Variants in USP37 observed in about 807,000 individuals in gnomAD.
USP37 encodes the protein ubiquitin specific peptidase 37.
USP37 carries 27 observed loss-of-function variants against 124.0 expected under a neutral mutation model. The observed-to-expected ratio is 0.22, with a 90% confidence interval of 0.16 to 0.30. The LOEUF is 0.30. USP37 is among the 10% of genes least tolerant of loss of function. The probability of loss-of-function intolerance (pLI) is 1.00; values close to 1 mark genes in which losing one functional copy is unlikely to be tolerated. For missense variants in USP37, 889 were observed against 1,140.4 expected, an observed-to-expected ratio of 0.78 and a Z score of 3.17; for synonymous variants, 365 against 388.0, an observed-to-expected ratio of 0.94 and a Z score of 0.70.
At chr2:218,544,406 A>AAAAAT (rs1312705279) in intron 8 of USP37, among the ~76,000 whole-genome samples, 11 of 82,968 alleles carry the variant, frequency 1.3e-4, no homozygotes, top group African/African-American at 6.9e-4. Flanking sequence ...AAAAAAAAAA[A>AAAAAT]ATATATATAT....
In USP37 at chr2:218,485,746, A is replaced by T. The variant is rs781234843; in HGVS notation, c.1591-3T>A. ...CAAGAATACTCCAGTTCTTCGGCCT[A>T]TAAAAAGAAGGAAAAATAAAGCATG... On this transcript the variant is annotated splice_polypyrimidine_tract_variant and splice_region_variant and intron_variant, in intron 15 of 25. Coordinates refer to ENST00000258399, the MANE Select transcript of USP37 (RefSeq NM_020935.3). 1 of 1,608,760 alleles carries T rather than the reference A, an allele frequency of 6.2e-7. No individual in the cohort carries two copies. Among genetic ancestry groups the T allele is most frequent in the East Asian group, 2.2e-5 (1 of 44,792 alleles).
At chr2:218,514,886 A>T (rs532013298) in intron 10 of USP37, among the ~76,000 whole-genome samples, 1 of 151,938 alleles carries the variant, frequency 6.6e-6, no homozygotes, top group South Asian at 2.1e-4. Flanking sequence ...AGACATATTT[A>T]TTTTTTTTCT....
rs756695369 is a variant in USP37, at chr2:218,549,892, C to G, written c.346G>C (p.Gly116Arg). ...AGAATGGCTCCAAAACTACCAGACC[C>G]CTGAGACGGTTTCATGGCTGGTGAC... The part of the protein sequence containing the change: ...RLPAAMKPSQ[G>R]SGSFGAILGS... Residue 116 changes from glycine to arginine, a missense_variant, in exon 6 of 26, where the codon GGG becomes CGG. Physicochemically the swap from Gly to Arg is moderately radical, Grantham distance 125. Coordinates refer to ENST00000258399, the MANE Select transcript of USP37 (RefSeq NM_020935.3). The G allele has an allele frequency of 1.2e-6, 2 of 1,605,212 alleles. No individual in the cohort carries two copies. The highest frequency in any genetic ancestry group is 2.2e-5 in the South Asian group (2 of 89,774).
At chr2:218,473,648 T>C (rs552676298) in intron 20 of USP37, among the ~76,000 whole-genome samples, 3 of 152,276 alleles carry the variant, frequency 2.0e-5, no homozygotes, top group African/African-American at 7.2e-5. Flanking sequence ...TAGGAAAAGA[T>C]AGTAAAAGTT....
chr2:218,454,624 G>C lies in USP37; in HGVS notation c.*306C>G. The C allele has an allele frequency of 3.8e-6, 1 of 263,000 alleles. No homozygotes were observed. The highest frequency in any genetic ancestry group is 7.1e-6 in the Non-Finnish European group (1 of 140,986). The allele number at this position is 263,000 out of a possible 1,614,324, so 16.3% of individuals were successfully genotyped here. On this transcript the variant is annotated 3_prime_UTR_variant, in exon 26 of 26. Transcript: ENST00000258399. ...GGCTCCATTCATCCCGTGTGTGTGT[G>C]TGTGTGTCTGTGTGTGTGTATACAC...
chr2:218,553,008 T>C (rs1023664406), intron 5 of USP37, among the ~76,000 whole-genome samples: 1 of 152,214 alleles, frequency 6.6e-6, no homozygotes, highest in African/African-American at 2.4e-5. Context: ...AATCTACATA[T>C]AAGATCAAGT....
chr2:218,548,050 CTGAA>C (rs905294484), intron 6 of USP37, among the ~76,000 whole-genome samples: 5 of 152,124 alleles, frequency 3.3e-5, no homozygotes, highest in Non-Finnish European at 7.4e-5. Flanking sequence ...CTAAGAGCAT[CTGAA>C]TGAATACTTT....
rs189843113 is a variant in USP37, at chr2:218,519,793, C to T, written c.864-9653G>A. ...CTAATTTTTGTATTATTAGTAGAGACGGGGTTTCACCACGTTGGCCAGGCT... is the reference window on the plus strand; with the variant it reads ...CTAATTTTTGTATTATTAGTAGAGATGGGGTTTCACCACGTTGGCCAGGCT... On this transcript the variant is annotated intron_variant, in intron 10 of 25. Transcript: ENST00000258399. Among the ~76,000 whole-genome samples the T allele has an allele frequency of 1.7e-3, 263 of 151,924 alleles. 2 individuals carry two copies. Among genetic ancestry groups the T allele is most frequent in the Non-Finnish European group, 2.8e-3 (187 of 67,944 alleles).
intron 10 of USP37, among the ~76,000 whole-genome samples, chr2:218,519,606 C>A (rs992264849): frequency 6.6e-6 from 1 of 151,922 alleles, no homozygotes; most frequent in African/African-American, 2.4e-5. Flanking sequence ...TTGGTAATTC[C>A]TCACACTCCT....
At position 218,547,214 on chromosome 2, in the gene USP37, G is replaced by A. The variant is rs1383804867; in HGVS notation, c.430-123C>T. On this transcript the variant is annotated intron_variant, in intron 6 of 25. Transcript: ENST00000258399. ...GAGCCAGGTGCGATGGCTCATGCCT[G>A]TAATCCCAGAAAGCGAAGGCGGGAG... 9 of 1,046,732 alleles carry A rather than the reference G, an allele frequency of 8.6e-6. 1 individual carries two copies. Among genetic ancestry groups the A allele is most frequent in the East Asian group, 5.2e-5 (2 of 38,506 alleles). 64.8% of individuals were successfully genotyped at this position (1,046,732 alleles called of 1,614,324 possible).
Position 218,498,032 on chromosome 2 carries a change from A to G in USP37, c.1151T>C (p.Leu384Pro). The stretch of plus-strand genomic sequence containing the variant: ...TACAGTACATAATGATTACCTGATA[A>G]GTGCATTGAGTGGAATTTTCTTCCA... ...IPWKKIPLNA[L>P]IRRFAHLLVK... The change falls in exon 12 of 26, where the codon CTT becomes CCT. Residue 384 changes from leucine to proline, a missense_variant. Leu to Pro is a moderately conservative substitution (Grantham distance 98, BLOSUM62 -3). Coordinates refer to ENST00000258399, the MANE Select transcript of USP37 (RefSeq NM_020935.3). 1 of 1,605,030 alleles carries G rather than the reference A, an allele frequency of 6.2e-7. No homozygotes were observed.
At chr2:218,557,856 G>T (rs370144031) in intron 4 of USP37, among the ~76,000 whole-genome samples, 1 of 137,200 alleles carries the variant, frequency 7.3e-6, no homozygotes, top group Non-Finnish European at 1.5e-5. Flanking sequence ...GCTTGAACCC[G>T]GGAGGCAGAG....
intron 1 of USP37, among the ~76,000 whole-genome samples, chr2:218,566,708 A>G (rs1693615997): frequency 2.6e-5 from 4 of 152,214 alleles, no homozygotes; most frequent in African/African-American, 4.8e-5. Flanking sequence ...CATTTTACAG[A>G]TGATAATACA....
chr2:218,464,875 G>C (rs900627499), intron 21 of USP37, among the ~76,000 whole-genome samples: 14 of 152,156 alleles, frequency 9.2e-5, no homozygotes, highest in African/African-American at 3.4e-4. Flanking sequence ...TTAAGCCCAG[G>C]AGTTTGAGAC....
chr2:218,474,325 C>G (rs1179894352), intron 20 of USP37, among the ~76,000 whole-genome samples: 1 of 152,050 alleles, frequency 6.6e-6, no homozygotes, highest in African/African-American at 2.4e-5. Flanking sequence ...AATGAAAATG[C>G]CATCAACCCT....
intron 9 of USP37, among the ~76,000 whole-genome samples, chr2:218,533,428 T>C (rs1484252097): frequency 2.0e-5 from 3 of 152,214 alleles, no homozygotes; most frequent in Non-Finnish European, 4.4e-5. Flanking sequence ...CTTTAACACA[T>C]TTAAAACATC....
Position 218,529,877 on chromosome 2 carries a change from C to T in USP37, c.863+79G>A, listed in dbSNP as rs1202322838. 15 of 1,111,592 alleles carry T rather than the reference C, an allele frequency of 1.3e-5. No individual in the cohort carries two copies. In the East Asian group the frequency reaches 1.7e-4, roughly 12 times the overall value. The allele number at this position is 1,111,592 out of a possible 1,614,324, so 68.9% of individuals were successfully genotyped here. The stretch of plus-strand genomic sequence containing the variant: ...ATCATATTCACTTAAGAGGATAATA[C>T]ATAACCTATCCAATCATTCAATATT... On this transcript the variant is annotated intron_variant, in intron 10 of 25. Coordinates refer to ENST00000258399, the MANE Select transcript of USP37 (RefSeq NM_020935.3).
At chr2:218,462,292 G>A (rs1195142329) in intron 22 of USP37, among the ~76,000 whole-genome samples, 3 of 152,102 alleles carry the variant, frequency 2.0e-5, no homozygotes, top group Non-Finnish European at 4.4e-5. Context: ...CAGAGATCAC[G>A]CCTCTGCACT....
intron 14 of USP37, among the ~76,000 whole-genome samples, 181 bp downstream of exon 14, chr2:218,495,579 C>T (rs1689040821): frequency 6.6e-6 from 1 of 152,052 alleles, no homozygotes; most frequent in Non-Finnish European, 1.5e-5. Flanking sequence ...TCACTTGATC[C>T]CAGGAGATCC....
Sources: gnomAD v4.1 joint callset for allele counts (sites outside exome capture counted in the v4.1 genomes callset) on GRCh38, gnomAD v4.1.1 for gene constraint, MANE v1.5 for transcripts, NCBI Gene and HGNC (gene_info 2026-07-23, HGNC 2026-07-21) for gene names.